The following SHC2 variants were observed in gnomAD, a reference collection of about 807,000 sequenced individuals.
SHC2 encodes the protein SHC adaptor protein 2.
Under a neutral mutation model 60.6 loss-of-function variants are expected in SHC2, and 62 were observed. That is an observed-to-expected ratio of 1.02 (90% CI 0.83 to 1.26). The LOEUF (loss-of-function observed/expected upper bound fraction) is 1.26, where lower values mean the gene tolerates loss of function less well. Among genes scored for constraint, SHC2 ranks in the 50% most tolerant of loss-of-function variants. The pLI is 0.00. For synonymous variants in SHC2, 375 were observed against 372.4 expected (o/e 1.01, Z -0.08); for missense variants, 873 against 822.2 (o/e 1.06, Z -0.76).
chr19:454,240 G>T (rs1975275970), intron 1 of SHC2, among the ~76,000 whole-genome samples: 1 of 152,232 alleles, frequency 6.6e-6, no homozygotes, highest in Non-Finnish European at 1.5e-5. Flanking sequence ...AGCCACACTG[G>T]ACGGTGCAGA....
Position 433,071 on chromosome 19 carries a change from C to T in SHC2, c.1110+1638G>A, listed in dbSNP as rs1312471704. Among the ~76,000 whole-genome samples, 3 of 3,258 alleles carry T rather than the reference C, an allele frequency of 9.2e-4. No homozygotes were observed. In the African/African-American group the frequency reaches 0.021, roughly 23 times the overall value. The allele number at this position is 3,258 out of a possible 152,430, so 2.1% of individuals were successfully genotyped here. On this transcript the variant is annotated intron_variant, in intron 8 of 12. Transcript: ENST00000264554. ...GATGGCGCTTCATCGTGAGTGAGAT[C>T]GTGAGTGAGAGATAGAGGAGGCGGG...
At position 425,188 on chromosome 19, in the gene SHC2, G is replaced by C; in HGVS notation, c.1218C>G (p.Pro406=). 7.4e-7 allele frequency: 1 copy of C among 1,346,668 alleles called. No individual in the cohort carries two copies. The highest frequency in any genetic ancestry group is 9.6e-7 in the Non-Finnish European group (1 of 1,039,466). 83.4% of individuals were successfully genotyped at this position (1,346,668 alleles called of 1,614,324 possible). The change falls in exon 10 of 13, where the codon CCC becomes CCG. Residue 406 remains proline (P), a synonymous_variant. Coordinates refer to ENST00000264554, the MANE Select transcript of SHC2 (RefSeq NM_012435.3). The surrounding 1 kb of genome is among the most constrained non-coding windows in gnomAD (Gnocchi z 4.1). ...CATACAGGTGCTCCTCGTGGTCCGGGGGGCCCCGGGCGTCCGCCTGCACGT... is the reference window on the plus strand; with the variant it reads ...CATACAGGTGCTCCTCGTGGTCCGGCGGGCCCCGGGCGTCCGCCTGCACGT... The part of the protein sequence containing the change: ...DGYVQADARG[P]PDHEEHLYVN...
At chr19:429,730 A>G (rs1457148434) in intron 9 of SHC2, among the ~76,000 whole-genome samples, 4 of 146,078 alleles carry the variant, frequency 2.7e-5, no homozygotes, top group East Asian at 2.0e-4. Flanking sequence ...TGGATGACGC[A>G]GTACCTATAC....
intron 1 of SHC2, among the ~76,000 whole-genome samples, chr19:455,419 C>T (rs1308823630): frequency 1.3e-5 from 2 of 152,248 alleles, no homozygotes; most frequent in Non-Finnish European, 1.5e-5. Context: ...CTCCTCGGAA[C>T]TCAGCACCGC....
Position 460,658 on chromosome 19 carries a change from CG to C in SHC2, c.338del (p.Ala113GlyfsTer66), listed in dbSNP as rs2145769914. On this transcript the variant is annotated frameshift_variant, in exon 1 of 13. Transcript: ENST00000264554. LOFTEE classifies it high-confidence loss of function. ...GSRGSRGGRG[A>X]AGSGDAAAAA... ...CGGCGGCGGCGTCCCCGGACCCCGC[CG>C]CCCCCCGCCCGCCCCGCGACCCCCG... is the stretch of plus-strand genomic sequence containing the variant. The C allele has an allele frequency of 8.8e-7, 1 of 1,140,156 alleles. No homozygotes were observed. Among genetic ancestry groups the C allele is most frequent in the East Asian group, 4.9e-5 (1 of 20,332 alleles). 70.6% of individuals were successfully genotyped at this position (1,140,156 alleles called of 1,614,324 possible). A position where few individuals can be genotyped will look rare whatever the true frequency, so the allele number is the denominator to read the frequency against.
In SHC2 at chr19:445,401, G is replaced by T. The variant is rs904003028; in HGVS notation, c.469-4469C>A. Among the ~76,000 whole-genome samples, 1 of 152,132 alleles carries T rather than the reference G, an allele frequency of 6.6e-6. No homozygotes were observed. Among genetic ancestry groups the T allele is most frequent in the Admixed American group, 6.6e-5 (1 of 15,266 alleles). ...CTCGCCAGACACTGAATCTTCCGGC[G>T]CCTCGATCGTGGCCCTCCCAGCCTC... On this transcript the variant is annotated intron_variant, in intron 1 of 12. Transcript: ENST00000264554. This position sits in a 1 kb window ranked among gnomAD's most constrained non-coding sequence, Gnocchi z 4.4.
rs1974651247 is a variant in SHC2 at position 434,276 on chromosome 19, GAT to G, written c.1110+431_1110+432del. 2.1e-5 allele frequency among the ~76,000 whole-genome samples: 3 copies of G among 140,652 alleles called. No homozygotes were observed. In the East Asian group the frequency reaches 6.2e-4, roughly 29 times the overall value. The allele number at this position is 140,652 out of a possible 152,430, so 92.3% of individuals were successfully genotyped here. On this transcript the variant is annotated intron_variant, in intron 8 of 12. Coordinates refer to ENST00000264554, the MANE Select transcript of SHC2 (RefSeq NM_012435.3). ...CATGAGTGAGTGAGATCATGAGTGAGATCATGAGTGAGTGAGATCATGAGTGA... is the reference window on the plus strand; with the variant it reads ...CATGAGTGAGTGAGATCATGAGTGAGCATGAGTGAGTGAGATCATGAGTGA...
intron 11 of SHC2, among the ~76,000 whole-genome samples, chr19:421,315 G>A (rs1165403032): frequency 5.3e-5 from 8 of 151,080 alleles, no homozygotes; most frequent in South Asian, 2.1e-4. Flanking sequence ...CGGGAGAATC[G>A]CTTGAACGCG....
intron 11 of SHC2, among the ~76,000 whole-genome samples, chr19:421,373 C>T (rs1418797237): frequency 3.4e-4 from 47 of 139,972 alleles, no homozygotes; most frequent in African/African-American, 1.4e-4. Context: ...GCATTCCAGC[C>T]GGGGCAACAG....
intron 1 of SHC2, among the ~76,000 whole-genome samples, chr19:456,552 C>T (rs767838889): frequency 9.9e-5 from 15 of 152,168 alleles, no homozygotes; most frequent in South Asian, 8.3e-4. Context: ...GCACACTCTG[C>T]GCCACCCCCT....
Position 425,457 on chromosome 19 carries a change from G to T in SHC2, c.1175-226C>A, listed in dbSNP as rs931130333. 6.6e-6 allele frequency among the ~76,000 whole-genome samples: 1 copy of T among 152,206 alleles called. No individual in the cohort carries two copies. On this transcript the variant is annotated intron_variant, in intron 9 of 12. Transcript: ENST00000264554. This position sits in a 1 kb window ranked among gnomAD's most constrained non-coding sequence, Gnocchi z 4.1. ...CGGGGCTCCAACCAGGGACAAGAGT[G>T]GGGCAGCGTGCGGCTGGGGCTGTGG...
chr19:416,606 G>A lies in SHC2; in HGVS notation c.*722C>T, dbSNP rs1402471549. 2 of 152,214 alleles carry A rather than the reference G, an allele frequency of 1.3e-5. No individual in the cohort carries two copies. The highest frequency in any genetic ancestry group is 2.4e-5 in the African/African-American group (1 of 41,434). The allele number at this position is 152,214 out of a possible 1,614,324, so 9.4% of individuals were successfully genotyped here. ...GCTTGTGCTCTTGTGGCCATTCCCA[G>A]GTTTAATTACAAACCGATCCGAACA... On this transcript the variant is annotated 3_prime_UTR_variant, in exon 13 of 13. Coordinates refer to ENST00000264554, the MANE Select transcript of SHC2 (RefSeq NM_012435.3).
chr19:431,235 C>T (rs1029363949), intron 8 of SHC2, among the ~76,000 whole-genome samples: 3 of 152,226 alleles, frequency 2.0e-5, no homozygotes, highest in African/African-American at 7.2e-5. Flanking sequence ...AATGCCACCT[C>T]GTCTAATGTG....
rs375197524 is a variant in SHC2 at position 448,270 on chromosome 19, C to T, written c.469-7338G>A. On this transcript the variant is annotated intron_variant, in intron 1 of 12. Coordinates refer to ENST00000264554, the MANE Select transcript of SHC2 (RefSeq NM_012435.3). ...AGGCCACACCTGGGGGCCACGGGAG[C>T]GGATCCTCTCCACGTCCCAGAGCCG... Among the ~76,000 whole-genome samples the T allele has an allele frequency of 3.3e-5, 5 of 152,304 alleles. No homozygotes were observed. In the East Asian group the frequency reaches 5.8e-4, roughly 18 times the overall value.
At chr19:436,141 C>T (rs1456821270) in intron 7 of SHC2, 24 bp downstream of exon 7, 1 of 1,609,160 alleles carries the variant, frequency 6.2e-7, no homozygotes, top group Non-Finnish European at 8.5e-7. Context: ...GTCCCCAGGG[C>T]ACGGGGGAGG....
chr19:422,868 C>T lies in SHC2; in HGVS notation c.1310-412G>A, dbSNP rs1339354998. 1 of 168,658 alleles carries T rather than the reference C, an allele frequency of 5.9e-6. No individual in the cohort carries two copies. The highest frequency in any genetic ancestry group is 1.3e-5 in the Non-Finnish European group (1 of 79,146). The allele number at this position is 168,658 out of a possible 1,614,324, so 10.4% of individuals were successfully genotyped here. On this transcript the variant is annotated intron_variant, in intron 10 of 12. Transcript: ENST00000264554. This position sits in a 1 kb window ranked among gnomAD's most constrained non-coding sequence, Gnocchi z 5.0. ...AAATACTCAAGACGACAGCCGGCAC[C>T]CCTCTCTTGCCCCTAGCGTTAAAAT...
chr19:435,102 T>C (rs1974686178), intron 7 of SHC2, among the ~76,000 whole-genome samples: 1 of 152,164 alleles, frequency 6.6e-6, no homozygotes, highest in Non-Finnish European at 1.5e-5. Context: ...GGCAGGTCGT[T>C]GGCAAACCCA....
intron 1 of SHC2, among the ~76,000 whole-genome samples, chr19:451,358 C>T (rs112685816): frequency 3.1e-5 from 4 of 130,952 alleles, no homozygotes; most frequent in African/African-American, 1.0e-4. Flanking sequence ...CGTATTTCAG[C>T]GTGTGGATGG....
At position 449,083 on chromosome 19, in the gene SHC2, G is replaced by A. The variant is rs560270166; in HGVS notation, c.469-8151C>T. Among the ~76,000 whole-genome samples the A allele has an allele frequency of 4.6e-5, 7 of 152,266 alleles. No individual in the cohort carries two copies. The East Asian group carries it at 5.8e-4, about 13-fold the overall frequency. ...CTCGGGAGGCTGAGGCAGGAGAATCGCTTGAACGCAGGAGGTGGAGGTTGC... is the reference window on the plus strand; with the variant it reads ...CTCGGGAGGCTGAGGCAGGAGAATCACTTGAACGCAGGAGGTGGAGGTTGC... On this transcript the variant is annotated intron_variant, in intron 1 of 12. Transcript: ENST00000264554.
Sources: gnomAD v4.1 joint callset for allele counts (sites outside exome capture counted in the v4.1 genomes callset) on GRCh38, gnomAD v4.1.1 for gene constraint, Gnocchi (gnomAD v3.1) non-coding constraint, MANE v1.5 for transcripts, NCBI Gene and HGNC (gene_info 2026-07-23, HGNC 2026-07-21) for gene names.